The following CASZ1 variants were observed in gnomAD, a reference collection of about 807,000 sequenced individuals.
CASZ1 encodes castor zinc finger 1.
Under a neutral mutation model 135.2 loss-of-function variants are expected in CASZ1, and 28 were observed. The observed-to-expected ratio is 0.21, with a 90% CI of 0.15 to 0.28. The LOEUF (loss-of-function observed/expected upper bound fraction) is 0.28. Among genes scored for constraint, CASZ1 ranks in the 10% least tolerant of loss-of-function variants. The pLI is 1.00. For missense variants in CASZ1, 2,161 were observed against 2,453.3 expected, an observed-to-expected ratio of 0.88 and a Z score of 2.52; for synonymous variants, 1,068 against 1,073.4, an observed-to-expected ratio of 0.99 and a Z score of 0.10.
At chr1:10,778,363 C>T (rs1640698449) in intron 1 of CASZ1, among the ~76,000 whole-genome samples, 1 of 151,892 alleles carries the variant, frequency 6.6e-6, no homozygotes, top group South Asian at 2.1e-4. Context: ...CACACAATCT[C>T]ATAAACAATC....
At chr1:10,795,334 C>T (rs997858803) in intron 1 of CASZ1, among the ~76,000 whole-genome samples, 2 of 152,230 alleles carry the variant, frequency 1.3e-5, no homozygotes, top group Admixed American at 6.5e-5. Context: ...CCTGCGCCCC[C>T]ACAAACTACT....
intron 5 of CASZ1, 116 bp from the exon 6 acceptor site, chr1:10,660,652 C>A: frequency 1.4e-6 from 1 of 715,756 alleles, no homozygotes; most frequent in Admixed American, 2.6e-5. Flanking sequence ...AGGGGCGGAG[C>A]AGGACACGAT....
intron 12 of CASZ1, 84 bp downstream of exon 12, chr1:10,650,857 C>A (rs1642550772): frequency 1.2e-6 from 2 of 1,603,182 alleles, no homozygotes; most frequent in Non-Finnish European, 1.7e-6. Flanking sequence ...GAGCCCGCTG[C>A]AACTGCCTGG....
rs1416747207 is a variant in CASZ1, at chr1:10,639,577, A to G, written c.4645T>C (p.Cys1549Arg). ...KQDVISAAGF[C>R]QFSSSADCAV... Reference sequence around the variant, plus strand: ...CAGTCGGCGCTGGAGCTGAACTGGCAGAAGCCCGCGGCGCTGATCACGTCC... The same window carrying G: ...CAGTCGGCGCTGGAGCTGAACTGGCGGAAGCCCGCGGCGCTGATCACGTCC... The change falls in exon 21 of 21, where the codon TGC becomes CGC. Residue 1549 changes from cysteine to arginine, a missense_variant. Cys to Arg is a radical substitution (Grantham distance 180, BLOSUM62 -3). This residue lies in a region of CASZ1 where 240 missense variants were observed against 321.4 expected (regional missense o/e 0.75). Transcript: ENST00000377022. The surrounding 1 kb of genome is among the most constrained non-coding windows in gnomAD (Gnocchi z 4.0). The G allele has an allele frequency of 3.7e-6, 6 of 1,611,508 alleles. No homozygotes were observed. In the East Asian group the frequency reaches 6.7e-5, roughly 18 times the overall value.
At chr1:10,780,694 G>A (rs1640748426) in intron 1 of CASZ1, among the ~76,000 whole-genome samples, 1 of 152,082 alleles carries the variant, frequency 6.6e-6, no homozygotes, top group Admixed American at 6.5e-5. Flanking sequence ...TTCAAAAACT[G>A]TTTAAAATAT....
intron 1 of CASZ1, among the ~76,000 whole-genome samples, chr1:10,763,679 A>G (rs1640418909): frequency 1.3e-5 from 2 of 152,140 alleles, no homozygotes; most frequent in African/African-American, 4.8e-5. Context: ...TTGGACTTTT[A>G]ACTCCTCAAG....
At chr1:10,792,671 A>G (rs953703259) in intron 1 of CASZ1, among the ~76,000 whole-genome samples, 8 of 150,846 alleles carry the variant, frequency 5.3e-5, no homozygotes, top group Non-Finnish European at 1.2e-4. Flanking sequence ...TTCTTAATTC[A>G]CTGCACCGCC....
rs557546698 is a variant in CASZ1, at chr1:10,725,185, A to C, written c.-76-19641T>G. The stretch of plus-strand genomic sequence containing the variant: ...GATACGGCGAGAACGTGTTAAGACC[A>C]AGGAGTGACCATGTCACTGCCCAGG... On this transcript the variant is annotated intron_variant, in intron 2 of 20. Coordinates refer to ENST00000377022, the MANE Select transcript of CASZ1 (RefSeq NM_001079843.3). The surrounding 1 kb of genome is among the most constrained non-coding windows in gnomAD (Gnocchi z 4.4). Among the ~76,000 whole-genome samples, 1 of 152,256 alleles carries C rather than the reference A, an allele frequency of 6.6e-6. No homozygotes were observed. Among genetic ancestry groups the C allele is most frequent in the South Asian group, 2.1e-4 (1 of 4,822 alleles).
In CASZ1 at chr1:10,644,897, G is replaced by A. The variant is rs546369717; in HGVS notation, c.3868+20C>T. On this transcript the variant is annotated intron_variant, in intron 18 of 20. Transcript: ENST00000377022. Reference sequence around the variant, plus strand: ...TGATGCCTGCTGCAAGTCCCTGCCCGCAGCCCCAGCCCTCGGTACCTAGCC... The same window carrying A: ...TGATGCCTGCTGCAAGTCCCTGCCCACAGCCCCAGCCCTCGGTACCTAGCC... The A allele has an allele frequency of 6.9e-6, 11 of 1,602,698 alleles. No homozygotes were observed. Among genetic ancestry groups the A allele is most frequent in the South Asian group, 3.3e-5 (3 of 89,760 alleles).
chr1:10,660,665 A>G (rs189206607), intron 5 of CASZ1, 129 bp from the exon 6 acceptor site: 6 of 650,772 alleles, frequency 9.2e-6, no homozygotes, highest in South Asian at 3.7e-5. Flanking sequence ...GACACGATCT[A>G]TGGACGTTTG....
Position 10,638,897 on chromosome 1 carries a change from C to G in CASZ1, c.*45G>C. ...GCTTCGCGCGGGGCGGCGCCGCTCC[C>G]GAGGCCGAGGCCGAGGCCGCCGCCA... is the stretch of plus-strand genomic sequence containing the variant. On this transcript the variant is annotated 3_prime_UTR_variant, in exon 21 of 21. Transcript: ENST00000377022. The surrounding 1 kb of genome is among the most constrained non-coding windows in gnomAD (Gnocchi z 5.9). 1.0e-6 allele frequency: 1 copy of G among 978,900 alleles called. No homozygotes were observed. Among genetic ancestry groups the G allele is most frequent in the Non-Finnish European group, 1.2e-6 (1 of 827,658 alleles). 60.6% of individuals were successfully genotyped at this position (978,900 alleles called of 1,614,324 possible).
At chr1:10,792,386 G>T (rs1488677488) in intron 1 of CASZ1, among the ~76,000 whole-genome samples, 22 of 141,234 alleles carry the variant, frequency 1.6e-4, no homozygotes, top group African/African-American at 5.8e-4. Flanking sequence ...GTGGGGTTGG[G>T]GGGGGTGTCC....
At chr1:10,761,223 T>C (rs1333013936) in intron 1 of CASZ1, among the ~76,000 whole-genome samples, 1 of 152,076 alleles carries the variant, frequency 6.6e-6, no homozygotes, top group Non-Finnish European at 1.5e-5. Flanking sequence ...GGCCTGAAAA[T>C]GGATCAAGCC....
chr1:10,755,529 G>A lies in CASZ1; in HGVS notation c.-77+5172C>T, dbSNP rs1640236021. 6.6e-6 allele frequency among the ~76,000 whole-genome samples: 1 copy of A among 152,084 alleles called. No homozygotes were observed. The highest frequency in any genetic ancestry group is 2.4e-5 in the African/African-American group (1 of 41,438). ...GATCAACTGCGTCACCCGCCGAGAA[G>A]TCCCCCGAGTAGCTCCAGACAGGGC... On this transcript the variant is annotated intron_variant, in intron 2 of 20. Coordinates refer to ENST00000377022, the MANE Select transcript of CASZ1 (RefSeq NM_001079843.3). This position sits in a 1 kb window ranked among gnomAD's most constrained non-coding sequence, Gnocchi z 4.3.
chr1:10,742,230 G>GC (rs1639938073), intron 2 of CASZ1, among the ~76,000 whole-genome samples: 1 of 152,224 alleles, frequency 6.6e-6, no homozygotes, highest in Non-Finnish European at 1.5e-5. Context: ...AAAGAGCTGG[G>GC]CAGAGGGGCA....
intron 3 of CASZ1, among the ~76,000 whole-genome samples, chr1:10,698,231 G>A (rs1638982441): frequency 6.6e-6 from 1 of 152,230 alleles, no homozygotes; most frequent in South Asian, 2.1e-4. Context: ...TTCCGAAAGA[G>A]CTTCATTTCT....
rs1308363031 is a variant in CASZ1, at chr1:10,676,297, C to T, written c.17-10726G>A. On this transcript the variant is annotated intron_variant, in intron 4 of 20. Coordinates refer to ENST00000377022, the MANE Select transcript of CASZ1 (RefSeq NM_001079843.3). This position sits in a 1 kb window ranked among gnomAD's most constrained non-coding sequence, Gnocchi z 4.5. ...CCCTCTCCCGGAAGCCCTGGGCTCC[C>T]GCTATTGTCGGCCACGTTGAGGGAG... Among the ~76,000 whole-genome samples, 4 of 152,110 alleles carry T rather than the reference C, an allele frequency of 2.6e-5. No individual in the cohort carries two copies. Among genetic ancestry groups the T allele is most frequent in the Admixed American group, 1.3e-4 (2 of 15,276 alleles).
At chr1:10,796,487 C>G (rs1641074895) in intron 1 of CASZ1, 77 bp downstream of exon 1, 1 of 152,124 alleles carries the variant, frequency 6.6e-6, no homozygotes, top group Non-Finnish European at 1.5e-5. Flanking sequence ...GGGGGAGAGA[C>G]GGGGAGGCGC....
chr1:10,698,012 C>T (rs1429684065), intron 3 of CASZ1, among the ~76,000 whole-genome samples: 1 of 152,094 alleles, frequency 6.6e-6, no homozygotes, highest in African/African-American at 2.4e-5. Flanking sequence ...GCCACGGGCA[C>T]GGGAGGTCGT....
Sources: gnomAD v4.1 joint callset for allele counts (sites outside exome capture counted in the v4.1 genomes callset) on GRCh38, gnomAD v4.1.1 for gene constraint, gnomAD v4.1.1 regional missense constraint, Gnocchi (gnomAD v3.1) non-coding constraint, MANE v1.5 for transcripts, NCBI Gene and HGNC (gene_info 2026-07-23, HGNC 2026-07-21) for gene names.